The following GRID2 variants were observed in gnomAD, a reference collection of about 807,000 sequenced individuals.
GRID2 encodes glutamate ionotropic receptor delta type subunit 2, also known as glutamate receptor ionotropic, delta-2.
Under a neutral mutation model 114.8 loss-of-function variants are expected in GRID2, and 33 were observed. The ratio of observed to expected loss-of-function variants is 0.29; its 90% CI spans 0.22 to 0.38. GRID2 has a LOEUF of 0.38. GRID2 is among the 10% of genes least tolerant of loss of function. The probability of loss-of-function intolerance (pLI) is 1.00; values close to 1 mark genes in which losing one functional copy is unlikely to be tolerated. For missense variants in GRID2, 1,184 were observed against 1,257.7 expected, an observed-to-expected ratio of 0.94 and a Z score of 0.89; for synonymous variants, 505 against 449.9, an observed-to-expected ratio of 1.12 and a Z score of -1.55.
intron 13 of GRID2, among the ~76,000 whole-genome samples, chr4:93,560,852 C>T (rs1291430068): frequency 1.3e-5 from 2 of 151,876 alleles, no homozygotes; most frequent in South Asian, 2.1e-4. Flanking sequence ...AGATATTTTA[C>T]CCACGGTTTC....
intron 14 of GRID2, among the ~76,000 whole-genome samples, chr4:93,705,692 A>C (rs1727937630): frequency 6.6e-6 from 1 of 152,038 alleles, no homozygotes; most frequent in South Asian, 2.1e-4. Context: ...ACTTGATGCA[A>C]TCCCTTTTGT....
chr4:92,414,332 A>G (rs144318823), intron 1 of GRID2, among the ~76,000 whole-genome samples: 1 of 152,354 alleles, frequency 6.6e-6, no homozygotes, highest in East Asian at 1.9e-4. Context: ...ATCTGTGGGC[A>G]CACAAATCTG....
chr4:92,730,056 A>T (rs956132366), intron 2 of GRID2, among the ~76,000 whole-genome samples: 1 of 152,008 alleles, frequency 6.6e-6, no homozygotes, highest in Non-Finnish European at 1.5e-5. Flanking sequence ...TAGCTCTTGT[A>T]TTAGTTGCTA....
At chr4:92,482,753 C>T (rs1382924843) in intron 1 of GRID2, among the ~76,000 whole-genome samples, 1 of 152,140 alleles carries the variant, frequency 6.6e-6, no homozygotes, top group Middle Eastern at 3.2e-3. Context: ...AGACGCATAA[C>T]TTAAAAACTC....
chr4:92,933,237 A>G (rs1254987768), intron 2 of GRID2, among the ~76,000 whole-genome samples: 1 of 151,164 alleles, frequency 6.6e-6, no homozygotes, highest in Admixed American at 6.6e-5. Flanking sequence ...TCTTAAAAGT[A>G]TTATTTGTAT....
intron 1 of GRID2, 134 bp downstream of exon 1, chr4:92,304,878 C>G (rs1448581743): frequency 1.4e-6 from 1 of 701,228 alleles, no homozygotes; most frequent in Non-Finnish European, 2.5e-6. Context: ...CTTCCCGCTA[C>G]CCTTCCCTCA....
intron 1 of GRID2, among the ~76,000 whole-genome samples, chr4:92,576,261 G>A (rs1727887975): frequency 6.6e-6 from 1 of 152,202 alleles, no homozygotes; most frequent in African/African-American, 2.4e-5. Context: ...CAGCTGTGCT[G>A]CACTGTTGGA....
intron 2 of GRID2, among the ~76,000 whole-genome samples, chr4:92,920,073 G>A (rs1226033657): frequency 6.6e-6 from 1 of 152,176 alleles, no homozygotes; most frequent in Non-Finnish European, 1.5e-5. Context: ...AGCTCTTCTT[G>A]TTGAATTGAT....
intron 2 of GRID2, among the ~76,000 whole-genome samples, chr4:92,918,229 T>C (rs546166993): frequency 6.6e-6 from 1 of 152,338 alleles, no homozygotes; most frequent in African/African-American, 2.4e-5. Flanking sequence ...TGAGGTTGCC[T>C]ATCAGCTTAA....
At chr4:92,504,740 T>G (rs956253572) in intron 1 of GRID2, among the ~76,000 whole-genome samples, 3 of 151,984 alleles carry the variant, frequency 2.0e-5, no homozygotes, top group African/African-American at 7.2e-5. Flanking sequence ...CCTAAAATAA[T>G]CACACTGGCT....
intron 11 of GRID2, among the ~76,000 whole-genome samples, chr4:93,459,839 T>C (rs373776880): frequency 2.0e-5 from 3 of 152,320 alleles, no homozygotes; most frequent in African/African-American, 7.2e-5. Context: ...CTATTCCAGC[T>C]GATCCACCAC....
At chr4:92,779,767 C>G (rs1416599686) in intron 2 of GRID2, among the ~76,000 whole-genome samples, 1 of 152,118 alleles carries the variant, frequency 6.6e-6, no homozygotes, top group Non-Finnish European at 1.5e-5. Context: ...TTAGCAACTA[C>G]CATCATCTGG....
intron 9 of GRID2, among the ~76,000 whole-genome samples, chr4:93,418,624 T>C (rs1013015467): frequency 6.6e-6 from 1 of 152,080 alleles, no homozygotes; most frequent in African/African-American, 2.4e-5. Flanking sequence ...AGAATTATTA[T>C]GTTGGTGCAA....
chr4:92,671,830 C>A (rs1733088375), intron 2 of GRID2, among the ~76,000 whole-genome samples: 1 of 152,086 alleles, frequency 6.6e-6, no homozygotes, highest in African/African-American at 2.4e-5. Context: ...TGAGTCATAT[C>A]AGTTCTCAGA....
intron 8 of GRID2, among the ~76,000 whole-genome samples, chr4:93,268,895 G>A (rs1751134266): frequency 6.6e-6 from 1 of 152,126 alleles, no homozygotes; most frequent in Admixed American, 6.5e-5. Flanking sequence ...AATTATGTTA[G>A]ATTGATGGAG....
At chr4:92,408,797 A>G (rs1731157828) in intron 1 of GRID2, among the ~76,000 whole-genome samples, 2 of 151,990 alleles carry the variant, frequency 1.3e-5, no homozygotes, top group South Asian at 4.1e-4. Context: ...TTGGTGTGCA[A>G]AAATGCTACT....
chr4:92,605,062 C>A (rs575319449), intron 2 of GRID2, among the ~76,000 whole-genome samples: 10 of 152,202 alleles, frequency 6.6e-5, no homozygotes, highest in African/African-American at 1.9e-4. Context: ...TGCCTTGCTT[C>A]CCCTCCACCT....
chr4:92,807,428 G>T (rs1476560669), intron 2 of GRID2, among the ~76,000 whole-genome samples: 1 of 151,466 alleles, frequency 6.6e-6, no homozygotes, highest in Non-Finnish European at 1.5e-5. Flanking sequence ...AATGTGATGT[G>T]CAAAAAAAAT....
chr4:92,475,523 T>C (rs2149099536), intron 1 of GRID2, among the ~76,000 whole-genome samples: 1 of 152,084 alleles, frequency 6.6e-6, no homozygotes, highest in Non-Finnish European at 1.5e-5. Context: ...ATTGTTCTGT[T>C]AGCACATGTA....
Sources: gnomAD v4.1 joint callset for allele counts (sites outside exome capture counted in the v4.1 genomes callset) on GRCh38, gnomAD v4.1.1 for gene constraint, MANE v1.5 for transcripts, NCBI Gene and HGNC (gene_info 2026-07-23, HGNC 2026-07-21) for gene names.